The following ZNF577 variants were observed in gnomAD, a reference collection of about 807,000 sequenced individuals.
ZNF577 encodes the protein zinc finger protein 577.
A neutral mutation model predicts 13.9 loss-of-function variants in ZNF577; 14 were observed. The ratio of observed to expected loss-of-function variants is 1.00; its 90% confidence interval spans 0.66 to 1.57. The LOEUF (loss-of-function observed/expected upper bound fraction) is 1.57, where lower values mean the gene tolerates loss of function less well. Ranked by LOEUF, ZNF577 falls within the 40% of genes most tolerant of loss-of-function variation. The probability of loss-of-function intolerance (pLI) is 0.00; values close to 1 mark genes in which losing one functional copy is unlikely to be tolerated. For synonymous variants in ZNF577, 203 were observed against 202.9 expected (o/e 1.00, Z 0.00); for missense variants, 555 against 579.2 (o/e 0.96, Z 0.43).
chr19:51,835,436 G>T (rs555429522), intron 9 of ZNF577, among the ~76,000 whole-genome samples: 15 of 149,898 alleles, frequency 1.0e-4, no homozygotes, highest in South Asian at 8.5e-4. Context: ...CTTCAGGCTT[G>T]CATTGTTTCA....
At chr19:51,831,427 T>C (rs946402235) in intron 9 of ZNF577, among the ~76,000 whole-genome samples, 1 of 152,192 alleles carries the variant, frequency 6.6e-6, no homozygotes, top group African/African-American at 2.4e-5. Flanking sequence ...TATTGATTCT[T>C]TTAATCTAAT....
At chr19:51,861,756 TGA>T (rs1404067764) in intron 5 of ZNF577, 1 of 152,554 alleles carries the variant, frequency 6.6e-6, no homozygotes, top group East Asian at 1.9e-4. Context: ...TGGTGACCAA[TGA>T]GAGTTTACAA....
In ZNF577 at chr19:51,857,262, G is replaced by A. The variant is rs553418114; in HGVS notation, c.284-12331C>T. On this transcript the variant is annotated intron_variant and NMD_transcript_variant, in intron 5 of 10. Transcript: ENST00000638827. ...TGCAGTGAACCGATATCGTGCCACC[G>A]CATTTCAGCCTGGCGACAAAGCGAG... 7.4e-4 allele frequency among the ~76,000 whole-genome samples: 112 copies of A among 151,440 alleles called. 1 individual carries two copies. Among genetic ancestry groups the A allele is most frequent in the African/African-American group, 2.5e-3 (104 of 41,178 alleles).
intron 10 of ZNF577, among the ~76,000 whole-genome samples, chr19:51,811,036 T>C (rs1236959162): frequency 6.6e-6 from 1 of 152,218 alleles, no homozygotes; most frequent in African/African-American, 2.4e-5. Context: ...CTCTCCTGTT[T>C]TTTATTTTCA....
chr19:51,862,809 T>G (rs1329763818), downstream of ZNF577: 1 of 148,394 alleles, frequency 6.7e-6, no homozygotes, highest in Non-Finnish European at 1.5e-5. Context: ...TTTCACAATC[T>G]GAGCAAGCAT....
At chr19:51,831,851 G>A (rs2122518854) in intron 9 of ZNF577, among the ~76,000 whole-genome samples, 1 of 152,114 alleles carries the variant, frequency 6.6e-6, no homozygotes, top group East Asian at 1.9e-4. Context: ...AATCATTCTT[G>A]TCTCAGAATC....
chr19:51,854,350 C>A (rs1047110320), intron 5 of ZNF577, among the ~76,000 whole-genome samples: 3 of 151,038 alleles, frequency 2.0e-5, no homozygotes, highest in African/African-American at 7.3e-5. Flanking sequence ...TTTTTTGAGA[C>A]AGGATCTCAC....
At chr19:51,830,544 C>T (rs1206568378) in intron 9 of ZNF577, among the ~76,000 whole-genome samples, 1 of 152,220 alleles carries the variant, frequency 6.6e-6, no homozygotes, top group African/African-American at 2.4e-5. Flanking sequence ...ACATTTGGTG[C>T]TTGCCTATGA....
chr19:51,873,792 C>T, intron 5 of ZNF577, 86 bp from the exon 6 acceptor site: 1 of 1,065,598 alleles, frequency 9.4e-7, no homozygotes, highest in Non-Finnish European at 1.3e-6. Flanking sequence ...ATAAACCAAA[C>T]TTATTTCCAA....
chr19:51,884,069 A>G (rs10423835), intron 1 of ZNF577, among the ~76,000 whole-genome samples: 32,768 of 151,986 alleles, frequency 0.22, 4,254 homozygotes, highest in South Asian at 0.41. Flanking sequence ...GTGAGAGTCC[A>G]CTCACCCAAA....
chr19:51,878,689 G>A (rs2084808523), intron 3 of ZNF577, 174 bp from the exon 4 acceptor site: 1 of 630,418 alleles, frequency 1.6e-6, no homozygotes, highest in African/African-American at 1.8e-5. Flanking sequence ...AAAGCACGAA[G>A]GCAGTACTAG....
intron 8 of ZNF577, among the ~76,000 whole-genome samples, chr19:51,840,337 G>A (rs7252290): frequency 0.073 from 11,048 of 152,150 alleles, 1,180 homozygotes; most frequent in African/African-American, 0.24. Flanking sequence ...CAGGTAAGGC[G>A]CAGCCATATT....
intron 5 of ZNF577, among the ~76,000 whole-genome samples, chr19:51,875,809 A>T (rs1004911234): frequency 2.0e-5 from 3 of 152,268 alleles, no homozygotes; most frequent in African/African-American, 7.2e-5. Context: ...AAGAGAAGTC[A>T]GTCAAACGTG....
In ZNF577 at chr19:51,869,086, G is replaced by T. The variant is rs773787728; in HGVS notation, c.*3446C>A. ...CTGAGACAGCCTGAGATATGGCCTC[G>T]TGGGAAGGGAAAGACCTGACCGTCC... On this transcript the variant is annotated 3_prime_UTR_variant, in exon 6 of 6. Transcript: ENST00000638348. Among the ~76,000 whole-genome samples the T allele has an allele frequency of 6.6e-6, 1 of 152,146 alleles. No individual in the cohort carries two copies. The highest frequency in any genetic ancestry group is 1.5e-5 in the Non-Finnish European group (1 of 68,034).
At chr19:51,815,705 CA>C (rs984678051) in intron 9 of ZNF577, among the ~76,000 whole-genome samples, 8 of 150,982 alleles carry the variant, frequency 5.3e-5, no homozygotes, top group Non-Finnish European at 1.0e-4. Flanking sequence ...CCTGTTTGTA[CA>C]AAAAATTAGT....
At chr19:51,823,831 T>C (rs767479545) in intron 9 of ZNF577, 19 of 1,613,912 alleles carry the variant, frequency 1.2e-5, no homozygotes, top group Admixed American at 6.7e-5. Flanking sequence ...CTGTGGATCT[T>C]CTCATTGCTA....
chr19:51,849,640 A>G (rs1346839086), intron 5 of ZNF577, among the ~76,000 whole-genome samples: 1 of 152,244 alleles, frequency 6.6e-6, no homozygotes, highest in Non-Finnish European at 1.5e-5. Context: ...CAGTACAAAT[A>G]AAGACAACGC....
downstream of ZNF577, among the ~76,000 whole-genome samples, chr19:51,804,547 T>G (rs2122419694): frequency 6.6e-6 from 1 of 152,308 alleles, no homozygotes; most frequent in East Asian, 1.9e-4. Context: ...AAAAAAATTA[T>G]GTAACAAAAG....
At chr19:51,866,794 CA>C (rs2084569362), downstream of ZNF577, among the ~76,000 whole-genome samples, 1 of 151,994 alleles carries the variant, frequency 6.6e-6, no homozygotes, top group Non-Finnish European at 1.5e-5. Context: ...CCAACCTGGC[CA>C]AAATGGTGAA....
Sources: gnomAD v4.1 joint callset for allele counts (sites outside exome capture counted in the v4.1 genomes callset) on GRCh38, gnomAD v4.1.1 for gene constraint, MANE v1.5 for transcripts, NCBI Gene and HGNC (gene_info 2026-07-23, HGNC 2026-07-21) for gene names.